UGT2A3: variants seen among roughly 807,000 people sequenced by gnomAD.
UGT2A3 encodes UDP-glucuronosyltransferase 2A3.
In UGT2A3, 55 loss-of-function variants were observed where a neutral mutation model predicts 44.1. That is an observed-to-expected ratio of 1.25 (90% CI 1.00 to 1.56). The LOEUF is 1.56. UGT2A3 is among the 40% of genes most tolerant of loss of function. UGT2A3 has a pLI of 0.00. For missense variants in UGT2A3, 733 were observed against 621.6 expected (o/e 1.18, Z -1.91); for synonymous variants, 243 against 215.1 (o/e 1.13, Z -1.13).
At chr4:68,936,268 C>T (rs1349731685) in intron 2 of UGT2A3, among the ~76,000 whole-genome samples, 2 of 152,046 alleles carry the variant, frequency 1.3e-5, no homozygotes, top group Non-Finnish European at 2.9e-5. Context: ...TTGTCAGATT[C>T]ACTAAGGTTG....
At chr4:68,934,105 T>C (rs1454758205) in intron 2 of UGT2A3, among the ~76,000 whole-genome samples, 1 of 151,888 alleles carries the variant, frequency 6.6e-6, no homozygotes, top group African/African-American at 2.4e-5. Context: ...ATTTCAATAA[T>C]GCACCAAAAG....
In UGT2A3 at chr4:68,951,431, T is replaced by G. The variant is rs1465481124; in HGVS notation, c.330A>C (p.Leu110Phe). 6.2e-7 allele frequency: 1 copy of G among 1,611,560 alleles called. No homozygotes were observed. The highest frequency in any genetic ancestry group is 8.5e-7 in the Non-Finnish European group (1 of 1,179,050). Residue 110 changes from leucine to phenylalanine, a missense_variant, in exon 1 of 6, where the codon TTA becomes TTC. Leu to Phe is a conservative substitution (Grantham distance 22). Transcript: ENST00000251566. ...GLSTWQSVIK[L>F]NDFFVEIRGT... ...CTCTTATTTCAACAAAAAAATCATT[T>G]AATTTTATAACTGATTGCCAGGTTG...
chr4:68,930,984 T>C (rs571770712), intron 4 of UGT2A3, among the ~76,000 whole-genome samples, 171 bp downstream of exon 4: 1 of 152,218 alleles, frequency 6.6e-6, no homozygotes, highest in South Asian at 2.1e-4. Flanking sequence ...ACCTTAACAA[T>C]AGAAAGTGTG....
chr4:68,930,230 A>G (rs1717679526), intron 5 of UGT2A3, 138 bp from the exon 6 acceptor site: 3 of 1,032,652 alleles, frequency 2.9e-6, no homozygotes, highest in Non-Finnish European at 1.4e-6. Context: ...TGACATGAAT[A>G]TTGTTGGTTA....
chr4:68,930,882 T>A, intron 4 of UGT2A3, 117 bp from the exon 5 acceptor site: 1 of 917,532 alleles, frequency 1.1e-6, no homozygotes, highest in Non-Finnish European at 1.6e-6. Flanking sequence ...GCACTTTCTT[T>A]AGAAGGTGAG....
Position 68,929,506 on chromosome 4 carries a change from C to T in UGT2A3, c.*307G>A, listed in dbSNP as rs1717638172. The T allele has an allele frequency of 4.7e-6, 1 of 213,054 alleles. No homozygotes were observed. The highest frequency in any genetic ancestry group is 9.4e-6 in the Non-Finnish European group (1 of 106,748). The allele number at this position is 213,054 out of a possible 1,614,324, so 13.2% of individuals were successfully genotyped here. A position where few individuals can be genotyped will look rare whatever the true frequency, so the allele number is the denominator to read the frequency against. On this transcript the variant is annotated 3_prime_UTR_variant, in exon 6 of 6. Transcript: ENST00000251566. ...GCGCACACCAGGAATAATCATATTG[C>T]ATGTCACCCTATCACTTAAGGTTAT... is the stretch of plus-strand genomic sequence containing the variant.
chr4:68,943,454 A>C (rs1718269550), intron 2 of UGT2A3: 24 of 580,840 alleles, frequency 4.1e-5, no homozygotes, highest in Non-Finnish European at 5.6e-5. Context: ...TAAAACCAAT[A>C]ATTTTTCTGG....
At chr4:68,934,897 G>T (rs780639583) in intron 2 of UGT2A3, among the ~76,000 whole-genome samples, 2 of 151,300 alleles carry the variant, frequency 1.3e-5, no homozygotes, top group East Asian at 2.0e-4. Flanking sequence ...TAAAAAAAAG[G>T]AAAAAAATGA....
rs181046691 is a variant in UGT2A3, at chr4:68,943,718, A to G, written c.864+1588T>C. Among the ~76,000 whole-genome samples the G allele has an allele frequency of 2.8e-4, 43 of 151,824 alleles. 1 individual carries two copies. Among genetic ancestry groups the G allele is most frequent in the Middle Eastern group, 6.8e-3 (2 of 294 alleles). On this transcript the variant is annotated intron_variant, in intron 2 of 5. Coordinates refer to ENST00000251566, the MANE Select transcript of UGT2A3 (RefSeq NM_024743.4). ...TCTTCCACCTCCTTCCATTTCCTCA[A>G]TGTGTTCAGTCAGGATTTTTACTTA... is the stretch of plus-strand genomic sequence containing the variant.
At chr4:68,930,120 T>C in intron 5 of UGT2A3, 28 bp from the exon 6 acceptor site, 1 of 1,574,620 alleles carries the variant, frequency 6.4e-7, no homozygotes. Context: ...ACATAGAACT[T>C]AGAAAGTTGT....
intron 2 of UGT2A3, chr4:68,943,340 C>T: frequency 1.6e-6 from 2 of 1,271,380 alleles, no homozygotes; most frequent in Non-Finnish European, 2.0e-6. Flanking sequence ...GATACAGATG[C>T]CATGGCTTAA....
At chr4:68,946,854 G>A (rs539783065) in intron 1 of UGT2A3, among the ~76,000 whole-genome samples, 1 of 151,782 alleles carries the variant, frequency 6.6e-6, no homozygotes, top group South Asian at 2.1e-4. Flanking sequence ...TAAAAGTTAT[G>A]TTAACCATAC....
chr4:68,941,303 C>G (rs962248481), intron 2 of UGT2A3, among the ~76,000 whole-genome samples: 2 of 151,782 alleles, frequency 1.3e-5, no homozygotes, highest in Admixed American at 1.3e-4. Context: ...ATTTGCTAGT[C>G]TCATGTGTTC....
Position 68,947,124 on chromosome 4 carries a change from G to A in UGT2A3, c.716-1670C>T, listed in dbSNP as rs558033398. Among the ~76,000 whole-genome samples the A allele has an allele frequency of 4.0e-5, 6 of 151,774 alleles. No homozygotes were observed. In the South Asian group the frequency reaches 1.2e-3, roughly 31 times the overall value. ...TCTTTTCATGAAAGATTTCTCTGTA[G>A]CATATGATGATGTTTCACAGCAGTT... On this transcript the variant is annotated intron_variant, in intron 1 of 5. Coordinates refer to ENST00000251566, the MANE Select transcript of UGT2A3 (RefSeq NM_024743.4).
At chr4:68,942,542 T>TATATATATATATATATATATA (rs1718238887) in intron 2 of UGT2A3, among the ~76,000 whole-genome samples, 1 of 146,098 alleles carries the variant, frequency 6.8e-6, no homozygotes, top group Non-Finnish European at 1.5e-5. Flanking sequence ...TATATATACA[T>TATATATATATATATATATATA]TTTCCAATGT....
intron 1 of UGT2A3, among the ~76,000 whole-genome samples, chr4:68,949,643 T>C (rs193038857): frequency 3.3e-5 from 5 of 152,070 alleles, no homozygotes; most frequent in Admixed American, 3.3e-4. Context: ...CTTTAATTTG[T>C]AAATTGCAAT....
At chr4:68,931,538 T>C (rs965431025) in intron 3 of UGT2A3, among the ~76,000 whole-genome samples, 3 of 152,082 alleles carry the variant, frequency 2.0e-5, no homozygotes, top group Non-Finnish European at 4.4e-5. Context: ...CAGTGGCTAA[T>C]CTATTTTTAT....
intron 1 of UGT2A3, among the ~76,000 whole-genome samples, chr4:68,946,228 T>C (rs1008412948): frequency 6.6e-6 from 1 of 151,732 alleles, no homozygotes. Flanking sequence ...TTAGTATCTC[T>C]TTACAAAAAC....
In UGT2A3 at chr4:68,951,519, T is replaced by C. The variant is rs1394795350; in HGVS notation, c.242A>G (p.Gln81Arg). The change falls in exon 1 of 6, where the codon CAG (glutamine) becomes CGG (arginine). Residue 81 changes from glutamine (Q) to arginine (R), a missense_variant. Physicochemically the swap from Gln to Arg is conservative, Grantham distance 43 (BLOSUM62 1). Transcript: ENST00000251566. ...TATTTCATTTTCTTCTGTTCTGTCC[T>C]GTGGCATATGGACCACCTCAAATTT... ...ALKFEVVHMPQDRTEENEIFV... is the reference protein window; with the variant it reads ...ALKFEVVHMPRDRTEENEIFV... 6.2e-7 allele frequency: 1 copy of C among 1,612,974 alleles called. No homozygotes were observed. Among genetic ancestry groups the C allele is most frequent in the South Asian group, 1.1e-5 (1 of 91,052 alleles).
Sources: gnomAD v4.1 joint callset for allele counts (sites outside exome capture counted in the v4.1 genomes callset) on GRCh38, gnomAD v4.1.1 for gene constraint, MANE v1.5 for transcripts, NCBI Gene and HGNC (gene_info 2026-07-23, HGNC 2026-07-21) for gene names.